The following QTMAN variants were observed in gnomAD, a reference collection of about 807,000 sequenced individuals.
QTMAN encodes tRNA-queuosine alpha-mannosyltransferase.
At chr2:144,026,389 T>C in the QTMAN span, among the ~76,000 whole-genome samples, 2 of 152,066 alleles carry the variant, frequency 1.3e-5, no homozygotes, top group Non-Finnish European at 2.9e-5. Flanking sequence ...GAGCCGAGAC[T>C]GCACCACTGC....
chr2:144,217,271 T>C, the QTMAN span, among the ~76,000 whole-genome samples: 6 of 152,216 alleles, frequency 3.9e-5, no homozygotes, highest in South Asian at 1.2e-3. Context: ...ATAGAGTAAG[T>C]GACAGCAAGA....
the QTMAN span, among the ~76,000 whole-genome samples, chr2:144,253,345 G>C: frequency 6.6e-6 from 1 of 152,144 alleles, no homozygotes; most frequent in African/African-American, 2.4e-5. Context: ...CAGGATAGTG[G>C]GGTGCTGCTA....
chr2:144,071,561 G>A, the QTMAN span, among the ~76,000 whole-genome samples: 1 of 152,056 alleles, frequency 6.6e-6, no homozygotes, highest in African/African-American at 2.4e-5. Flanking sequence ...TTGACCTTGG[G>A]AATGTCTCAC....
the QTMAN span, chr2:143,939,510 A>C: frequency 6.6e-6 from 1 of 152,008 alleles, no homozygotes; most frequent in African/African-American, 2.4e-5. Context: ...TTTCCCTTTT[A>C]GTCCTATATC....
At chr2:144,058,509 C>T in the QTMAN span, among the ~76,000 whole-genome samples, 2 of 152,152 alleles carry the variant, frequency 1.3e-5, no homozygotes, top group East Asian at 1.9e-4. Context: ...ATATAAAATC[C>T]ATGAATTTTT....
chr2:144,001,647 C>T, the QTMAN span, among the ~76,000 whole-genome samples: 3 of 151,822 alleles, frequency 2.0e-5, no homozygotes, highest in African/African-American at 7.3e-5. Flanking sequence ...AACAAGAATG[C>T]ATCCAATTAT....
At chr2:144,176,724 A>G in the QTMAN span, among the ~76,000 whole-genome samples, 2 of 152,180 alleles carry the variant, frequency 1.3e-5, no homozygotes, top group Admixed American at 6.6e-5. Context: ...TTTAAAATGG[A>G]CAAGGCCTGT....
chr2:143,978,118 C>T, the QTMAN span, among the ~76,000 whole-genome samples: 4 of 152,172 alleles, frequency 2.6e-5, no homozygotes, highest in Non-Finnish European at 4.4e-5. Context: ...TACAGCTTTG[C>T]TATTCCCATT....
At chr2:143,952,633 CAT>C in the QTMAN span, 2 of 688,210 alleles carry the variant, frequency 2.9e-6, no homozygotes, top group Non-Finnish European at 5.2e-6. Context: ...TATTAAAACA[CAT>C]AAAATTTTCC....
chr2:144,011,632 T>A, the QTMAN span: 411 of 966,108 alleles, frequency 4.3e-4, 4 homozygotes, highest in African/African-American at 7.0e-3. Flanking sequence ...TAAACTGTTC[T>A]ATGCTAGTAA....
At chr2:144,254,894 C>T in the QTMAN span, among the ~76,000 whole-genome samples, 1 of 152,228 alleles carries the variant, frequency 6.6e-6, no homozygotes, top group Non-Finnish European at 1.5e-5. Flanking sequence ...AATGACTGCT[C>T]TATTGCATTT....
chr2:144,031,112 T>C, the QTMAN span, among the ~76,000 whole-genome samples: 2 of 152,158 alleles, frequency 1.3e-5, no homozygotes, highest in Admixed American at 6.5e-5. Flanking sequence ...ACTGGGGAAT[T>C]TGAAGATACT....
At chr2:144,165,087 G>C in the QTMAN span, among the ~76,000 whole-genome samples, 5 of 151,892 alleles carry the variant, frequency 3.3e-5, no homozygotes, top group African/African-American at 4.8e-5. Context: ...GTTAGGGAAG[G>C]CTGGCCAGGT....
the QTMAN span, among the ~76,000 whole-genome samples, chr2:144,102,196 T>C: frequency 6.6e-6 from 1 of 152,202 alleles, no homozygotes; most frequent in Non-Finnish European, 1.5e-5. Context: ...GATCTGTCTT[T>C]AGGATAAAAG....
At chr2:144,168,960 T>TA in the QTMAN span, among the ~76,000 whole-genome samples, 20 of 152,100 alleles carry the variant, frequency 1.3e-4, no homozygotes, top group Non-Finnish European at 2.4e-4. Flanking sequence ...TTATTTTTAT[T>TA]AAAAAAATAG....
the QTMAN span, among the ~76,000 whole-genome samples, chr2:144,227,231 G>A: frequency 6.6e-6 from 1 of 151,992 alleles, no homozygotes. Context: ...TTTAAAAACT[G>A]AGATCTTAAC....
chr2:143,972,032 TCA>T, the QTMAN span, among the ~76,000 whole-genome samples: 1 of 152,308 alleles, frequency 6.6e-6, no homozygotes, highest in Admixed American at 6.5e-5. Flanking sequence ...TCTATATCTC[TCA>T]GTTTGATTTA....
At chr2:144,120,298 T>A in the QTMAN span, among the ~76,000 whole-genome samples, 1 of 152,156 alleles carries the variant, frequency 6.6e-6, no homozygotes, top group African/African-American at 2.4e-5. Context: ...AGCCTCTAGG[T>A]AGGTACTTAA....
At chr2:144,246,888 A>G in the QTMAN span, among the ~76,000 whole-genome samples, 12 of 152,328 alleles carry the variant, frequency 7.9e-5, no homozygotes, top group East Asian at 1.7e-3. Flanking sequence ...AAATGCTTGG[A>G]CTTTGCAAGA....
Sources: allele counts gnomAD v4.1 joint callset (sites outside exome capture counted in the v4.1 genomes callset), GRCh38; gene constraint gnomAD v4.1.1; transcripts MANE v1.5; gene names NCBI Gene and HGNC (gene_info 2026-07-23, HGNC 2026-07-21).